STK31: variants seen among roughly 807,000 people sequenced by gnomAD.
STK31 encodes serine/threonine kinase 31, also known as serine/threonine-protein kinase 31.
A neutral mutation model predicts 129.7 loss-of-function variants in STK31; 89 were observed. The observed-to-expected ratio is 0.69, with a 90% CI of 0.58 to 0.82. The LOEUF (loss-of-function observed/expected upper bound fraction) is 0.82, where lower values mean the gene tolerates loss of function less well. Ranked by LOEUF, STK31 falls within the 40% of genes least tolerant of loss-of-function variation. STK31 has a pLI of 0.00. For missense variants in STK31, 1,187 were observed against 1,176.4 expected (o/e 1.01, Z -0.13); for synonymous variants, 448 against 395.3 (o/e 1.13, Z -1.58).
intron 22 of STK31, among the ~76,000 whole-genome samples, chr7:23,803,749 T>A (rs988405390): frequency 2.0e-5 from 3 of 152,174 alleles, no homozygotes; most frequent in Non-Finnish European, 2.9e-5. Context: ...CCTCTGCCCT[T>A]AAGTAGGCCC....
chr7:23,790,604 C>G (rs1791557243), intron 21 of STK31, among the ~76,000 whole-genome samples: 10 of 152,022 alleles, frequency 6.6e-5, no homozygotes. Context: ...TAAATCTGTT[C>G]AAGTCTACAA....
intron 15 of STK31, among the ~76,000 whole-genome samples, chr7:23,777,757 A>G (rs1206470077): frequency 1.3e-5 from 2 of 152,068 alleles, no homozygotes; most frequent in African/African-American, 2.4e-5. Context: ...TCTCCTGAAT[A>G]TAGCACACCA....
intron 10 of STK31, among the ~76,000 whole-genome samples, chr7:23,762,077 CTT>C (rs1789505108): frequency 6.6e-6 from 1 of 151,092 alleles, no homozygotes; most frequent in African/African-American, 2.4e-5. Flanking sequence ...GAGATTAAAA[CTT>C]TTTTATTTTA....
chr7:23,816,103 T>G (rs747084914), intron 23 of STK31, among the ~76,000 whole-genome samples: 4 of 152,142 alleles, frequency 2.6e-5, no homozygotes, highest in Non-Finnish European at 4.4e-5. Context: ...GAAATGATAT[T>G]AAGGAGCTTT....
chr7:23,825,080 C>T (rs927817402), intron 23 of STK31, among the ~76,000 whole-genome samples: 1 of 151,656 alleles, frequency 6.6e-6, no homozygotes, highest in Non-Finnish European at 1.5e-5. Context: ...GTGTCTCTGC[C>T]CGGCTTTGGT....
Position 23,788,072 on chromosome 7 carries a change from A to G in STK31, c.2580A>G (p.Val860=). The stretch of plus-strand genomic sequence containing the variant: ...ATGGATCACTTCATCAGAACAATGT[A>G]TTTGCTTTAAACCGTGAACAAGGAA... ...IIHGSLHQNN[V]FALNREQGIV... Residue 860 remains valine (V), a synonymous_variant, in exon 21 of 24, where the codon GTA becomes GTG. Transcript: ENST00000355870. The G allele has an allele frequency of 6.2e-7, 1 of 1,613,098 alleles. No homozygotes were observed. Among genetic ancestry groups the G allele is most frequent in the Non-Finnish European group, 8.5e-7 (1 of 1,179,550 alleles).
chr7:23,736,816 G>T, intron 7 of STK31, 88 bp from the exon 8 acceptor site: 2 of 1,046,048 alleles, frequency 1.9e-6, no homozygotes, highest in Non-Finnish European at 2.6e-6. Context: ...ATATATTGTG[G>T]CATAAAAGGA....
chr7:23,727,556 C>CTTTTTTTT (rs58066410), intron 5 of STK31: 125 of 137,424 alleles, frequency 9.1e-4, no homozygotes, highest in African/African-American at 1.3e-3. Flanking sequence ...TACCTCAGTT[C>CTTTTTTTT]TTTTTTTTTT....
chr7:23,812,843 G>T (rs1012920116), intron 22 of STK31, among the ~76,000 whole-genome samples: 3 of 152,068 alleles, frequency 2.0e-5, no homozygotes, highest in Non-Finnish European at 4.4e-5. Context: ...CAAAAGATAT[G>T]ATTTTATTCT....
chr7:23,799,897 AAAC>A (rs1191340754), intron 22 of STK31, among the ~76,000 whole-genome samples: 2 of 152,216 alleles, frequency 1.3e-5, no homozygotes, highest in Non-Finnish European at 2.9e-5. Flanking sequence ...TACAAAAAGA[AAAC>A]AACCCCATCA....
intron 18 of STK31, 83 bp downstream of exon 18, chr7:23,785,686 C>G (rs1199375287): frequency 2.0e-6 from 3 of 1,499,742 alleles, no homozygotes; most frequent in Non-Finnish European, 2.7e-6. Flanking sequence ...AAGAAAAAAC[C>G]TCACTGTTAG....
rs750272264 is a variant in STK31, at chr7:23,717,457, TTATAC to T, written c.151-19_151-15del. On this transcript the variant is annotated intron_variant, in intron 3 of 23. Coordinates refer to ENST00000355870, the MANE Select transcript of STK31 (RefSeq NM_031414.5). Reference sequence around the variant, plus strand: ...CTGTAAAATAATATTTTACTGTATCTTATACTATATCTAATCTTTCTAGAGTATCA... The same window carrying T: ...CTGTAAAATAATATTTTACTGTATCTTATATCTAATCTTTCTAGAGTATCA... The T allele has an allele frequency of 8.0e-6, 12 of 1,496,542 alleles. No homozygotes were observed. The highest frequency in any genetic ancestry group is 2.4e-5 in the East Asian group (1 of 42,450). 92.7% of individuals were successfully genotyped at this position (1,496,542 alleles called of 1,614,324 possible).
chr7:23,795,668 C>T (rs908759699), intron 22 of STK31, among the ~76,000 whole-genome samples: 2 of 152,200 alleles, frequency 1.3e-5, no homozygotes, highest in Admixed American at 1.3e-4. Context: ...GGGGCTGTAG[C>T]CTGCAAAGCC....
chr7:23,766,387 C>T (rs945148268), intron 11 of STK31, among the ~76,000 whole-genome samples: 2 of 152,128 alleles, frequency 1.3e-5, no homozygotes, highest in Non-Finnish European at 2.9e-5. Context: ...CTCAACCTCC[C>T]GAGTAGCTGG....
intron 22 of STK31, among the ~76,000 whole-genome samples, chr7:23,802,844 G>C (rs1331846022): frequency 6.6e-6 from 1 of 152,158 alleles, no homozygotes; most frequent in Non-Finnish European, 1.5e-5. Flanking sequence ...CAAACAGCTT[G>C]TCTGTGTGCA....
At chr7:23,764,595 G>A (rs1562582961) in intron 11 of STK31, among the ~76,000 whole-genome samples, 1 of 151,950 alleles carries the variant, frequency 6.6e-6, no homozygotes, top group Non-Finnish European at 1.5e-5. Context: ...AAAAGAAATT[G>A]TATTCTCGGT....
At chr7:23,730,193 A>C (rs1200247050) in intron 6 of STK31, among the ~76,000 whole-genome samples, 1 of 152,238 alleles carries the variant, frequency 6.6e-6, no homozygotes, top group Non-Finnish European at 1.5e-5. Context: ...GAGATATTAC[A>C]TTGGAAAGTA....
chr7:23,726,427 T>TAAA (rs1276790236), intron 4 of STK31: 2 of 11,014 alleles, frequency 1.8e-4, no homozygotes, highest in South Asian at 5.4e-3. Flanking sequence ...ACCTTGCCTC[T>TAAA]ACAAAAAAAA....
In STK31 at chr7:23,806,270, C is replaced by T. The variant is rs371136297; in HGVS notation, c.2761-8874C>T. Among the ~76,000 whole-genome samples the T allele has an allele frequency of 5.3e-5, 8 of 152,186 alleles. No individual in the cohort carries two copies. The East Asian group carries it at 1.4e-3, about 26-fold the overall frequency. On this transcript the variant is annotated intron_variant, in intron 22 of 23. Coordinates refer to ENST00000355870, the MANE Select transcript of STK31 (RefSeq NM_031414.5). Reference sequence around the variant, plus strand: ...GAAGTTCTCTGCTTACAAAGTCTTGCGTGGATGTATTTAATACTTTTGTTT... The same window carrying T: ...GAAGTTCTCTGCTTACAAAGTCTTGTGTGGATGTATTTAATACTTTTGTTT...
Sources: allele counts gnomAD v4.1 joint callset (sites outside exome capture counted in the v4.1 genomes callset), GRCh38; gene constraint gnomAD v4.1.1; transcripts MANE v1.5; gene names NCBI Gene and HGNC (gene_info 2026-07-23, HGNC 2026-07-21).